Variants in RAPGEF5 observed in about 807,000 individuals in gnomAD.
The protein encoded by RAPGEF5 is M-Ras-regulated GEF.
A neutral mutation model predicts 125.2 loss-of-function variants in RAPGEF5; 65 were observed. That is an observed-to-expected ratio of 0.52 (90% confidence interval 0.43 to 0.64). The LOEUF is 0.64. RAPGEF5 is among the 30% of genes least tolerant of loss of function. The pLI is 0.00. For synonymous variants in RAPGEF5, 391 were observed against 385.9 expected (o/e 1.01, Z -0.16); for missense variants, 958 against 1,048.1 (o/e 0.91, Z 1.19).
chr7:22,159,386 T>C (rs1027774991), intron 14 of RAPGEF5, among the ~76,000 whole-genome samples: 4 of 152,232 alleles, frequency 2.6e-5, no homozygotes, highest in African/African-American at 9.6e-5. Flanking sequence ...GAGGTCTCCC[T>C]TTACTAAAAT....
intron 9 of RAPGEF5, chr7:22,194,837 A>T: frequency 4.5e-6 from 4 of 892,272 alleles, no homozygotes; most frequent in Non-Finnish European, 5.4e-6. Context: ...TCTGTCACAG[A>T]GGACAGCTTG....
At chr7:22,241,906 T>C (rs535782200) in intron 7 of RAPGEF5, among the ~76,000 whole-genome samples, 1 of 152,142 alleles carries the variant, frequency 6.6e-6, no homozygotes, top group African/African-American at 2.4e-5. Flanking sequence ...TTACCTTTCT[T>C]TGCATATCAT....
chr7:22,311,683 G>C (rs901534086), intron 3 of RAPGEF5, among the ~76,000 whole-genome samples: 22 of 152,102 alleles, frequency 1.4e-4, no homozygotes, highest in African/African-American at 5.1e-4. Flanking sequence ...GTTAGCATAA[G>C]ACAGCATAAA....
intron 1 of RAPGEF5, among the ~76,000 whole-genome samples, chr7:22,352,488 G>T (rs1011273801): frequency 6.6e-6 from 1 of 152,114 alleles, no homozygotes; most frequent in African/African-American, 2.4e-5. Context: ...GCAGACTATG[G>T]ACAAGATGCA....
rs944361273 is a variant in RAPGEF5 at position 22,215,119 on chromosome 7, C to T, written c.996+4747G>A. Among the ~76,000 whole-genome samples the T allele has an allele frequency of 3.3e-5, 5 of 152,040 alleles. No homozygotes were observed. In the South Asian group the frequency reaches 6.2e-4, roughly 19 times the overall value. ...TCATTATTTCTAGAATGAAGTAAAACTTCTCAGCCCTCAAAATCCTCCACA... is the reference window on the plus strand; with the variant it reads ...TCATTATTTCTAGAATGAAGTAAAATTTCTCAGCCCTCAAAATCCTCCACA... On this transcript the variant is annotated intron_variant, in intron 9 of 25. Transcript: ENST00000665637.
chr7:22,291,150 A>G lies in RAPGEF5; in HGVS notation c.747+25T>C, dbSNP rs183981605. On this transcript the variant is annotated intron_variant, in intron 6 of 25. Transcript: ENST00000665637. Reference sequence around the variant, plus strand: ...CCAGCTTCATTATTTCTGCACCCCTAGGCAGGAAAATTGCATGGTCTTACC... The same window carrying G: ...CCAGCTTCATTATTTCTGCACCCCTGGGCAGGAAAATTGCATGGTCTTACC... 10 of 1,565,854 alleles carry G rather than the reference A, an allele frequency of 6.4e-6. No homozygotes were observed. In the African/African-American group the frequency reaches 1.4e-4, roughly 21 times the overall value.
At chr7:22,178,505 C>T (rs1784578474) in intron 11 of RAPGEF5, among the ~76,000 whole-genome samples, 1 of 152,196 alleles carries the variant, frequency 6.6e-6, no homozygotes, top group Non-Finnish European at 1.5e-5. Flanking sequence ...CACAACCACC[C>T]TCTGCGGTCT....
intron 22 of RAPGEF5, 42 bp downstream of exon 22, chr7:22,136,891 A>C: frequency 6.8e-7 from 1 of 1,474,896 alleles, no homozygotes; most frequent in Non-Finnish European, 9.4e-7. Context: ...AGACCCTAGC[A>C]ATTATTTTGA....
chr7:22,193,728 T>C (rs1001261014), intron 10 of RAPGEF5, 187 bp downstream of exon 10: 4 of 1,556,236 alleles, frequency 2.6e-6, no homozygotes, highest in Admixed American at 3.9e-5. Flanking sequence ...GTCCTTTCAC[T>C]GGGAACTGAG....
rs554669763 is a variant in RAPGEF5 at position 22,254,362 on chromosome 7, G to A, written c.796+12602C>T. On this transcript the variant is annotated intron_variant, in intron 7 of 25. Coordinates refer to ENST00000665637, the MANE Select transcript of RAPGEF5 (RefSeq NM_012294.5). ...GGTGGCTTACACCTGTAATCCCAGCGCTTTGGGAGGACGAGGCGGGCGGAT... is the reference window on the plus strand; with the variant it reads ...GGTGGCTTACACCTGTAATCCCAGCACTTTGGGAGGACGAGGCGGGCGGAT... Among the ~76,000 whole-genome samples the A allele has an allele frequency of 1.3e-4, 20 of 151,652 alleles. No homozygotes were observed. The South Asian group carries it at 1.5e-3, about 11-fold the overall frequency.
At chr7:22,199,105 C>T (rs576872690) in intron 9 of RAPGEF5, among the ~76,000 whole-genome samples, 1 of 152,322 alleles carries the variant, frequency 6.6e-6, no homozygotes, top group South Asian at 2.1e-4. Context: ...AAAGTTCTAG[C>T]ATAGCCGGTT....
chr7:22,129,158 G>GT (rs945206498), intron 24 of RAPGEF5, among the ~76,000 whole-genome samples: 39 of 149,226 alleles, frequency 2.6e-4, no homozygotes, highest in East Asian at 5.9e-4. Context: ...ACTTGTTCAG[G>GT]TTTTTTTTTT....
At chr7:22,310,193 T>G in intron 3 of RAPGEF5, 103 bp from the exon 4 acceptor site, 3 of 1,243,870 alleles carry the variant, frequency 2.4e-6, no homozygotes, top group Non-Finnish European at 3.1e-6. Context: ...GCTTGCTTTT[T>G]TTAGACAAGC....
intron 7 of RAPGEF5, among the ~76,000 whole-genome samples, chr7:22,231,860 A>G (rs1190485709): frequency 6.6e-6 from 1 of 152,246 alleles, no homozygotes; most frequent in African/African-American, 2.4e-5. Flanking sequence ...TCTAAGCCTA[A>G]GAACACGGGG....
intron 21 of RAPGEF5, 40 bp from the exon 22 acceptor site, chr7:22,137,023 A>G: frequency 2.0e-6 from 3 of 1,476,834 alleles, no homozygotes; most frequent in Non-Finnish European, 2.8e-6. Context: ...AGGTCACAGA[A>G]GTTGGTTATT....
At chr7:22,327,056 C>CT (rs1424216881) in intron 1 of RAPGEF5, among the ~76,000 whole-genome samples, 3 of 152,166 alleles carry the variant, frequency 2.0e-5, no homozygotes, top group African/African-American at 7.2e-5. Flanking sequence ...ATTAGTTTCA[C>CT]TAACTCCTTT....
chr7:22,336,190 G>A (rs998059632), intron 1 of RAPGEF5, among the ~76,000 whole-genome samples: 1 of 152,092 alleles, frequency 6.6e-6, no homozygotes, highest in African/African-American at 2.4e-5. Context: ...TTCAGAAAGA[G>A]ACCAATCTTT....
At chr7:22,258,916 C>T (rs1486193948) in intron 7 of RAPGEF5, among the ~76,000 whole-genome samples, 1 of 152,076 alleles carries the variant, frequency 6.6e-6, no homozygotes, top group Admixed American at 6.6e-5. Context: ...AACTCCTAGA[C>T]TATAACATAG....
At position 22,122,370 on chromosome 7, in the gene RAPGEF5, A is replaced by T. The variant is rs1782606092; in HGVS notation, c.*36T>A. The T allele has an allele frequency of 6.7e-7, 1 of 1,502,296 alleles. No homozygotes were observed. The highest frequency in any genetic ancestry group is 1.4e-5 in the African/African-American group (1 of 72,642). The allele number at this position is 1,502,296 out of a possible 1,614,324, so 93.1% of individuals were successfully genotyped here. A position where few individuals can be genotyped will look rare whatever the true frequency, so the allele number is the denominator to read the frequency against. On this transcript the variant is annotated 3_prime_UTR_variant, in exon 26 of 26. Coordinates refer to ENST00000665637, the MANE Select transcript of RAPGEF5 (RefSeq NM_012294.5). ...TGGCATAGACATTCCCGTAGCTCAAAGTGCTGCAGATACAGGGGAGGTGAG... is the reference window on the plus strand; with the variant it reads ...TGGCATAGACATTCCCGTAGCTCAATGTGCTGCAGATACAGGGGAGGTGAG...
Sources: allele counts gnomAD v4.1 joint callset (sites outside exome capture counted in the v4.1 genomes callset), GRCh38; gene constraint gnomAD v4.1.1; transcripts MANE v1.5; gene names NCBI Gene and HGNC (gene_info 2026-07-23, HGNC 2026-07-21).